The following SHISA5 variants were observed in gnomAD, a reference collection of about 807,000 sequenced individuals.
The protein encoded by SHISA5 is protein shisa-5.
SHISA5 carries 21 observed loss-of-function variants against 27.5 expected under a neutral mutation model. The observed-to-expected ratio is 0.76, with a 90% CI of 0.54 to 1.10. The LOEUF is 1.10. SHISA5 is among the 50% of genes least tolerant of loss of function. The pLI is 0.00. For synonymous variants in SHISA5, 137 were observed against 142.2 expected (o/e 0.96, Z 0.26); for missense variants, 314 against 336.3 (o/e 0.93, Z 0.52).
chr3:48,501,011 C>T, intron 2 of SHISA5, 126 bp downstream of exon 2: 1 of 1,125,528 alleles, frequency 8.9e-7, no homozygotes, highest in Non-Finnish European at 1.2e-6. Flanking sequence ...ACCCTCTGCT[C>T]CAATGCTCTG....
At chr3:48,471,490 G>T (rs2040613388) in intron 3 of SHISA5, among the ~76,000 whole-genome samples, 1 of 149,272 alleles carries the variant, frequency 6.7e-6, no homozygotes. Context: ...AGGAGGTGGA[G>T]GTTGTAGTGA....
chr3:48,474,141 G>A (rs1035229926), intron 3 of SHISA5, among the ~76,000 whole-genome samples: 3 of 150,682 alleles, frequency 2.0e-5, no homozygotes, highest in African/African-American at 7.3e-5. Flanking sequence ...AGGCTGGAGT[G>A]CAGTGGCACG....
At chr3:48,486,525 TAA>T (rs2041251308) in intron 2 of SHISA5, among the ~76,000 whole-genome samples, 2 of 118,908 alleles carry the variant, frequency 1.7e-5, no homozygotes, top group African/African-American at 6.6e-5. Flanking sequence ...ACAATATATA[TAA>T]TATAATTATA....
At chr3:48,486,367 T>C (rs1269371148) in intron 2 of SHISA5, among the ~76,000 whole-genome samples, 5 of 80,536 alleles carry the variant, frequency 6.2e-5, no homozygotes, top group South Asian at 2.8e-4. Flanking sequence ...ATATTATATA[T>C]TATATAATAT....
chr3:48,491,526 T>C (rs932193331), intron 2 of SHISA5, among the ~76,000 whole-genome samples: 2 of 152,190 alleles, frequency 1.3e-5, no homozygotes, highest in Admixed American at 1.3e-4. Flanking sequence ...CAAGACCTCC[T>C]GAGGGCTGTT....
Sources: allele counts gnomAD v4.1 joint callset (sites outside exome capture counted in the v4.1 genomes callset), GRCh38; gene constraint gnomAD v4.1.1; transcripts MANE v1.5; gene names NCBI Gene and HGNC (gene_info 2026-07-23, HGNC 2026-07-21).